Variants in GNA12 observed in about 807,000 individuals in gnomAD.
GNA12 encodes the protein guanine nucleotide-binding protein subunit alpha-12.
Under a neutral mutation model 26.0 loss-of-function variants are expected in GNA12, and 9 were observed. The ratio of observed to expected loss-of-function variants is 0.35; its 90% CI spans 0.21 to 0.60. The LOEUF (loss-of-function observed/expected upper bound fraction) is 0.60. Ranked by LOEUF, GNA12 falls within the 20% of genes least tolerant of loss-of-function variation. GNA12 has a pLI of 0.78. For missense variants in GNA12, 405 were observed against 525.8 expected, an observed-to-expected ratio of 0.77 and a Z score of 2.25; for synonymous variants, 264 against 219.6, an observed-to-expected ratio of 1.20 and a Z score of -1.79.
At chr7:2,768,690 A>AAAAAC (rs1791873436) in intron 2 of GNA12, among the ~76,000 whole-genome samples, 1 of 149,172 alleles carries the variant, frequency 6.7e-6, no homozygotes, top group African/African-American at 2.5e-5. Flanking sequence ...AACAAAACAA[A>AAAAAC]AAAAAAAACA....
At chr7:2,756,283 A>C (rs1230029381) in intron 2 of GNA12, among the ~76,000 whole-genome samples, 1 of 152,190 alleles carries the variant, frequency 6.6e-6, no homozygotes, top group Non-Finnish European at 1.5e-5. Flanking sequence ...AGGATCAGAA[A>C]ATCAAAAAAG....
rs1789720602 is a variant in GNA12, at chr7:2,728,444, CTA to C, written c.*2735_*2736del. 1.3e-5 allele frequency: 2 copies of C among 152,120 alleles called. No individual in the cohort carries two copies. The highest frequency in any genetic ancestry group is 4.8e-5 in the African/African-American group (2 of 41,350). 9.4% of individuals were successfully genotyped at this position (152,120 alleles called of 1,614,324 possible). On this transcript the variant is annotated 3_prime_UTR_variant, in exon 4 of 4. Transcript: ENST00000275364. The stretch of plus-strand genomic sequence containing the variant: ...CTAGAGATCTCTATAAATTACAGAC[CTA>C]TGACTCAAAATCCTTGAAACAATTT...
At chr7:2,736,443 C>T (rs1183729294) in intron 2 of GNA12, among the ~76,000 whole-genome samples, 1 of 152,222 alleles carries the variant, frequency 6.6e-6, no homozygotes, top group East Asian at 1.9e-4. Context: ...AGGGGCCTGT[C>T]CCCTGCCTCA....
chr7:2,735,948 A>T (rs1363714429), intron 2 of GNA12, among the ~76,000 whole-genome samples: 1 of 152,162 alleles, frequency 6.6e-6, no homozygotes, highest in African/African-American at 2.4e-5. Flanking sequence ...GCTGTCACTC[A>T]CATCCGCACT....
chr7:2,738,451 G>T (rs1455598821), intron 2 of GNA12, among the ~76,000 whole-genome samples: 1 of 152,202 alleles, frequency 6.6e-6, no homozygotes, highest in Non-Finnish European at 1.5e-5. Context: ...TCCGTGGCTG[G>T]AAGGAGGTTT....
intron 1 of GNA12, among the ~76,000 whole-genome samples, chr7:2,804,013 A>G (rs1046686664): frequency 1.7e-4 from 26 of 152,212 alleles, no homozygotes; most frequent in Admixed American, 2.6e-4. Context: ...AGGGGTCAGG[A>G]TAAGTCTCGG....
intron 1 of GNA12, among the ~76,000 whole-genome samples, chr7:2,797,970 A>C (rs1189645255): frequency 6.6e-6 from 1 of 152,234 alleles, no homozygotes; most frequent in African/African-American, 2.4e-5. Flanking sequence ...AAACCTTTGC[A>C]AACTAGGAAC....
intron 1 of GNA12, among the ~76,000 whole-genome samples, chr7:2,822,141 TTC>T (rs1393448635): frequency 3.9e-5 from 6 of 152,236 alleles, no homozygotes; most frequent in African/African-American, 1.4e-4. Flanking sequence ...AGCCTTCCCA[TTC>T]TCTTTTAACT....
chr7:2,761,236 G>A (rs1415256042), intron 2 of GNA12, among the ~76,000 whole-genome samples: 3 of 151,948 alleles, frequency 2.0e-5, no homozygotes, highest in Non-Finnish European at 4.4e-5. Flanking sequence ...GCTACCTCCC[G>A]GCCGTGGATG....
chr7:2,759,404 C>T (rs1055044279), intron 2 of GNA12, among the ~76,000 whole-genome samples: 6 of 152,144 alleles, frequency 3.9e-5, no homozygotes, highest in East Asian at 1.9e-4. Context: ...ACAATACTCA[C>T]GGTGTGTTAT....
intron 2 of GNA12, among the ~76,000 whole-genome samples, chr7:2,750,246 A>C (rs798502): frequency 0.24 from 36,547 of 152,136 alleles, 5,068 homozygotes; most frequent in East Asian, 0.31. Context: ...GCTTAGACCC[A>C]TCAGAGAGCT....
chr7:2,758,274 T>C (rs1440320195), intron 2 of GNA12, among the ~76,000 whole-genome samples: 1 of 152,238 alleles, frequency 6.6e-6, no homozygotes, highest in Non-Finnish European at 1.5e-5. Context: ...ACTGTAATCC[T>C]AGCACTTTAA....
rs865894136 is a variant in GNA12 at position 2,728,142 on chromosome 7, T to C, written c.*3039A>G. ...CAAAGAAAGACTAAATTTATTTTAA[T>C]AAACATTCAGAGGCTGAGGGTGGCC... is the stretch of plus-strand genomic sequence containing the variant. On this transcript the variant is annotated 3_prime_UTR_variant, in exon 4 of 4. Transcript: ENST00000275364. 1 of 152,264 alleles carries C rather than the reference T, an allele frequency of 6.6e-6. No individual in the cohort carries two copies. 9.4% of individuals were successfully genotyped at this position (152,264 alleles called of 1,614,324 possible).
At chr7:2,780,623 A>G (rs1037676423) in intron 2 of GNA12, among the ~76,000 whole-genome samples, 7 of 152,124 alleles carry the variant, frequency 4.6e-5, no homozygotes, top group Non-Finnish European at 8.8e-5. Context: ...CACACTATAT[A>G]TGTGCTTATG....
chr7:2,784,647 T>A (rs530907283), intron 2 of GNA12, among the ~76,000 whole-genome samples: 1 of 152,354 alleles, frequency 6.6e-6, no homozygotes, highest in East Asian at 1.9e-4. Flanking sequence ...ACCATGACTT[T>A]AATTTATGTT....
At chr7:2,773,292 G>A (rs775427489) in intron 2 of GNA12, among the ~76,000 whole-genome samples, 8 of 152,188 alleles carry the variant, frequency 5.3e-5, no homozygotes, top group East Asian at 1.9e-4. Flanking sequence ...GGCTGGGGGC[G>A]GTGGCTCACG....
intron 2 of GNA12, among the ~76,000 whole-genome samples, chr7:2,738,916 C>T (rs1790351893): frequency 1.3e-5 from 2 of 152,176 alleles, no homozygotes; most frequent in Admixed American, 6.5e-5. Context: ...GCCCCCTTGC[C>T]CTGTGTGTAG....
intron 1 of GNA12, among the ~76,000 whole-genome samples, chr7:2,831,108 T>C (rs1312741012): frequency 6.6e-6 from 1 of 152,064 alleles, no homozygotes. Context: ...CCAAGATGAT[T>C]ACTTTTCATG....
intron 3 of GNA12, among the ~76,000 whole-genome samples, chr7:2,733,145 T>G (rs764478016): frequency 2.0e-5 from 3 of 152,216 alleles, no homozygotes; most frequent in Non-Finnish European, 4.4e-5. Flanking sequence ...GGGGTTTCAT[T>G]AGACTATTTG....
Sources: gnomAD v4.1 joint callset for allele counts (sites outside exome capture counted in the v4.1 genomes callset) on GRCh38, gnomAD v4.1.1 for gene constraint, MANE v1.5 for transcripts, NCBI Gene and HGNC (gene_info 2026-07-23, HGNC 2026-07-21) for gene names.